The following GSK3B variants were observed in gnomAD, a reference collection of about 807,000 sequenced individuals.
The protein encoded by GSK3B is glycogen synthase kinase-3 beta.
GSK3B carries 15 observed loss-of-function variants against 56.4 expected under a neutral mutation model. The observed-to-expected ratio is 0.27, with a 90% CI of 0.18 to 0.41. The LOEUF (loss-of-function observed/expected upper bound fraction) is 0.41. Ranked by LOEUF, GSK3B falls within the 10% of genes least tolerant of loss-of-function variation. The pLI, the probability that GSK3B is intolerant of heterozygous loss-of-function variation, is 1.00. For missense variants in GSK3B, 300 were observed against 513.4 expected (o/e 0.58, Z 4.02); for synonymous variants, 181 against 188.9 (o/e 0.96, Z 0.34).
At chr3:120,001,003 C>T (rs1173779374) in intron 2 of GSK3B, among the ~76,000 whole-genome samples, 1 of 143,770 alleles carries the variant, frequency 7.0e-6, no homozygotes, top group Non-Finnish European at 1.5e-5. Flanking sequence ...CGGCTCACTA[C>T]AAGCTCTGCC....
chr3:120,059,319 T>A (rs2058218287), intron 1 of GSK3B, among the ~76,000 whole-genome samples: 1 of 152,212 alleles, frequency 6.6e-6, no homozygotes, highest in Non-Finnish European at 1.5e-5. Context: ...ATTTGACTTT[T>A]GTATCTTCAG....
At chr3:119,986,783 C>A (rs778363388) in intron 2 of GSK3B, among the ~76,000 whole-genome samples, 1 of 152,154 alleles carries the variant, frequency 6.6e-6, no homozygotes, top group Non-Finnish European at 1.5e-5. Flanking sequence ...GGGGATTCCT[C>A]AAGGATCTAG....
At chr3:119,852,252 A>G (rs2055940249) in intron 9 of GSK3B, among the ~76,000 whole-genome samples, 1 of 152,230 alleles carries the variant, frequency 6.6e-6, no homozygotes, top group African/African-American at 2.4e-5. Flanking sequence ...GCTTTTATTG[A>G]ACTACATTAT....
intron 7 of GSK3B, among the ~76,000 whole-genome samples, chr3:119,903,676 A>G (rs1045969962): frequency 2.6e-5 from 4 of 152,218 alleles, no homozygotes; most frequent in Non-Finnish European, 5.9e-5. Context: ...ACAGATGCTC[A>G]CTTAGCTTCC....
intron 1 of GSK3B, among the ~76,000 whole-genome samples, chr3:120,035,159 T>C (rs1286983871): frequency 6.6e-6 from 1 of 152,098 alleles, no homozygotes; most frequent in African/African-American, 2.4e-5. Context: ...ACTGGTGTCC[T>C]TACAAAAAGA....
At chr3:119,999,899 C>T (rs899209425) in intron 2 of GSK3B, among the ~76,000 whole-genome samples, 2 of 152,168 alleles carry the variant, frequency 1.3e-5, no homozygotes, top group Admixed American at 6.5e-5. Context: ...TCTGCGTACA[C>T]AAGTAAACTA....
intron 1 of GSK3B, among the ~76,000 whole-genome samples, chr3:120,061,992 A>G (rs2058241133): frequency 6.6e-6 from 1 of 152,110 alleles, no homozygotes; most frequent in Non-Finnish European, 1.5e-5. Context: ...TTGGCCTCCC[A>G]AAGTGTTGGG....
chr3:119,994,117 C>T (rs1303796335), intron 2 of GSK3B, among the ~76,000 whole-genome samples: 3 of 152,130 alleles, frequency 2.0e-5, no homozygotes, highest in Non-Finnish European at 2.9e-5. Flanking sequence ...CCGCCTCGGC[C>T]GCCCTAAGTG....
At position 120,029,741 on chromosome 3, in the gene GSK3B, A is replaced by T; in HGVS notation, c.89-27502T>A. 5 of 553,136 alleles carry T rather than the reference A, an allele frequency of 9.0e-6. No homozygotes were observed. The Admixed American group carries it at 9.6e-5, about 11-fold the overall frequency. 34.3% of individuals were successfully genotyped at this position (553,136 alleles called of 1,614,324 possible). On this transcript the variant is annotated intron_variant, in intron 1 of 10. Transcript: ENST00000264235. ...TTTATCATGCAGTGCATCCTGGGGG[A>T]GCTCTCTTTGGAATATGGTATGTTA...
At chr3:119,991,178 G>C (rs150997897) in intron 2 of GSK3B, among the ~76,000 whole-genome samples, 103 of 152,228 alleles carry the variant, frequency 6.8e-4, no homozygotes, top group African/African-American at 2.3e-3. Context: ...ACCATAAGGA[G>C]GTTTGGGATT....
intron 2 of GSK3B, among the ~76,000 whole-genome samples, chr3:119,952,116 G>A (rs1293507967): frequency 6.6e-6 from 1 of 151,984 alleles, no homozygotes; most frequent in African/African-American, 2.4e-5. Flanking sequence ...AAAGAGAAAG[G>A]AGAAAAAAAT....
Position 119,842,938 on chromosome 3 carries a change from T to C in GSK3B, c.1195+317A>G, listed in dbSNP as rs1444028098. Among the ~76,000 whole-genome samples, 4 of 152,108 alleles carry C rather than the reference T, an allele frequency of 2.6e-5. No homozygotes were observed. The East Asian group carries it at 7.7e-4, about 29-fold the overall frequency. Reference sequence around the variant, plus strand: ...AAAACAGAATTTTTTTTTTTTGAGATGGAGTCTTGCTCTGTTGCCCAGGCT... The same window carrying C: ...AAAACAGAATTTTTTTTTTTTGAGACGGAGTCTTGCTCTGTTGCCCAGGCT... On this transcript the variant is annotated intron_variant, in intron 10 of 10. Coordinates refer to ENST00000264235, the MANE Select transcript of GSK3B (RefSeq NM_001146156.2).
At chr3:119,913,591 A>G (rs909172779) in intron 5 of GSK3B, among the ~76,000 whole-genome samples, 6 of 152,076 alleles carry the variant, frequency 3.9e-5, no homozygotes, top group African/African-American at 2.4e-5. Flanking sequence ...CCATTCTGAC[A>G]TACATTAATA....
intron 1 of GSK3B, among the ~76,000 whole-genome samples, chr3:120,048,530 C>T (rs2058122095): frequency 6.6e-6 from 1 of 152,206 alleles, no homozygotes; most frequent in Non-Finnish European, 1.5e-5. Flanking sequence ...TCAGGCTCCT[C>T]ATCTGTTAAG....
intron 1 of GSK3B, among the ~76,000 whole-genome samples, chr3:120,030,415 T>C (rs1559883389): frequency 6.6e-6 from 1 of 152,200 alleles, no homozygotes; most frequent in Non-Finnish European, 1.5e-5. Context: ...ACTCCCCACT[T>C]TGGAGTTACA....
chr3:119,999,401 G>A (rs1380729619), intron 2 of GSK3B, among the ~76,000 whole-genome samples: 1 of 152,150 alleles, frequency 6.6e-6, no homozygotes, highest in Non-Finnish European at 1.5e-5. Context: ...ACCCTGACAA[G>A]TTAATTTAAA....
chr3:119,832,892 T>A, intron 10 of GSK3B: 1 of 687,622 alleles, frequency 1.5e-6, no homozygotes, highest in South Asian at 6.5e-5. Flanking sequence ...TTTTCATATG[T>A]AAAATTCTAT....
chr3:119,938,474 G>A (rs1382326349), intron 3 of GSK3B, among the ~76,000 whole-genome samples: 3 of 151,762 alleles, frequency 2.0e-5, no homozygotes, highest in Non-Finnish European at 2.9e-5. Flanking sequence ...ATACAACAGT[G>A]GTTCAACATA....
chr3:119,889,137 G>C (rs2056472951), intron 7 of GSK3B, among the ~76,000 whole-genome samples: 1 of 152,084 alleles, frequency 6.6e-6, no homozygotes, highest in African/African-American at 2.4e-5. Context: ...CCTACTCCCT[G>C]TTCTTGCATC....
Sources: gnomAD v4.1 joint callset for allele counts (sites outside exome capture counted in the v4.1 genomes callset) on GRCh38, gnomAD v4.1.1 for gene constraint, MANE v1.5 for transcripts, NCBI Gene and HGNC (gene_info 2026-07-23, HGNC 2026-07-21) for gene names.